The following MCTP1 variants were observed in gnomAD, a reference collection of about 807,000 sequenced individuals.
MCTP1 encodes the protein multiple C2 and transmembrane domain-containing protein 1.
Under a neutral mutation model 120.6 loss-of-function variants are expected in MCTP1, and 69 were observed. That is an observed-to-expected ratio of 0.57 (90% confidence interval 0.47 to 0.70). The LOEUF is 0.70. Among genes scored for constraint, MCTP1 ranks in the 30% least tolerant of loss-of-function variants. The probability of loss-of-function intolerance (pLI) is 0.00; values close to 1 mark genes in which losing one functional copy is unlikely to be tolerated. For synonymous variants in MCTP1, 529 were observed against 493.1 expected (o/e 1.07, Z -0.96); for missense variants, 1,203 against 1,248.8 (o/e 0.96, Z 0.55).
At chr5:94,808,843 G>C (rs143234029) in intron 17 of MCTP1, among the ~76,000 whole-genome samples, 62 of 152,150 alleles carry the variant, frequency 4.1e-4, no homozygotes, top group African/African-American at 1.5e-3. Context: ...TTTATTTATT[G>C]GTGGTGTTGA....
chr5:95,010,293 A>G (rs1835670032), intron 2 of MCTP1, among the ~76,000 whole-genome samples: 1 of 151,856 alleles, frequency 6.6e-6, no homozygotes, highest in South Asian at 2.1e-4. Flanking sequence ...ACCATCTACT[A>G]TATATTACTT....
intron 2 of MCTP1, among the ~76,000 whole-genome samples, chr5:94,962,853 C>T (rs1824620448): frequency 6.6e-6 from 1 of 151,892 alleles, no homozygotes; most frequent in Admixed American, 6.6e-5. Flanking sequence ...ATTTGTTCCC[C>T]AAAAACCTAT....
intron 2 of MCTP1, among the ~76,000 whole-genome samples, chr5:94,995,294 T>G (rs771112857): frequency 6.6e-6 from 1 of 152,178 alleles, no homozygotes; most frequent in African/African-American, 2.4e-5. Context: ...AGTTTATGAT[T>G]CAGTAGGTCT....
At chr5:94,839,951 G>A (rs1790636028) in intron 17 of MCTP1, among the ~76,000 whole-genome samples, 1 of 152,094 alleles carries the variant, frequency 6.6e-6, no homozygotes, top group South Asian at 2.1e-4. Context: ...TCAAATTCTA[G>A]TACTTTCGAT....
At chr5:95,105,480 G>C (rs1486721838) in intron 1 of MCTP1, among the ~76,000 whole-genome samples, 1 of 152,136 alleles carries the variant, frequency 6.6e-6, no homozygotes, top group Admixed American at 6.5e-5. Flanking sequence ...CCAAGAATCA[G>C]TTTACACATG....
chr5:94,954,169 C>CATATATATATGCATATATATAT (rs1561918935), intron 2 of MCTP1, among the ~76,000 whole-genome samples: 1 of 80,016 alleles, frequency 1.2e-5, no homozygotes, highest in African/African-American at 5.7e-5. Flanking sequence ...CATATATATA[C>CATATATATATGCATATATATAT]ATATATATAT....
chr5:94,895,248 A>G (rs1277085291), intron 10 of MCTP1, among the ~76,000 whole-genome samples: 1 of 152,216 alleles, frequency 6.6e-6, no homozygotes, highest in Non-Finnish European at 1.5e-5. Context: ...TTTTCCCCTC[A>G]TTCGTAAATG....
rs745987843 is a variant in MCTP1, at chr5:94,870,978, G to A, written c.2140-5C>T. ...TTTCTGTTCACCATTTTGAATCTGC[G>A]GGAAAAGGACATGACAGCCGTCTGT... is the stretch of plus-strand genomic sequence containing the variant. On this transcript the variant is annotated splice_polypyrimidine_tract_variant and splice_region_variant and intron_variant, in intron 14 of 22. Coordinates refer to ENST00000515393, the MANE Select transcript of MCTP1 (RefSeq NM_024717.7). 6.6e-5 allele frequency: 107 copies of A among 1,611,058 alleles called. No individual in the cohort carries two copies. The highest frequency in any genetic ancestry group is 2.2e-4 in the Admixed American group (13 of 59,928).
At chr5:94,951,882 C>T (rs908326450) in intron 3 of MCTP1, among the ~76,000 whole-genome samples, 7 of 151,970 alleles carry the variant, frequency 4.6e-5, no homozygotes, top group African/African-American at 1.7e-4. Flanking sequence ...TTCAAAAACG[C>T]TATTTAAGGC....
chr5:94,843,415 G>T (rs548018785), intron 17 of MCTP1, among the ~76,000 whole-genome samples: 1 of 152,252 alleles, frequency 6.6e-6, no homozygotes, highest in Non-Finnish European at 1.5e-5. Context: ...CCACAAGAAA[G>T]GGCATCAGAG....
intron 1 of MCTP1, among the ~76,000 whole-genome samples, chr5:95,160,741 C>G (rs1745635068): frequency 6.7e-6 from 1 of 149,542 alleles, no homozygotes. Context: ...TATAGGAACT[C>G]AAATAACTCA....
At chr5:95,259,993 T>C (rs1027187547) in intron 1 of MCTP1, among the ~76,000 whole-genome samples, 2 of 152,196 alleles carry the variant, frequency 1.3e-5, no homozygotes, top group Admixed American at 6.5e-5. Flanking sequence ...CTGAATGTTA[T>C]GTGTATATCC....
chr5:94,765,713 A>AG (rs1031056153), intron 19 of MCTP1, among the ~76,000 whole-genome samples: 1 of 151,296 alleles, frequency 6.6e-6, no homozygotes, highest in African/African-American at 2.4e-5. Flanking sequence ...AAAAAGAAAA[A>AG]AAAAAAAAAA....
chr5:95,206,175 G>A lies in MCTP1; in HGVS notation c.720+77681C>T, dbSNP rs541663021. Among the ~76,000 whole-genome samples, 13 of 152,214 alleles carry A rather than the reference G, an allele frequency of 8.5e-5. No homozygotes were observed. In the East Asian group the frequency reaches 2.5e-3, roughly 29 times the overall value. On this transcript the variant is annotated intron_variant, in intron 1 of 22. Transcript: ENST00000515393. The stretch of plus-strand genomic sequence containing the variant: ...ATAAAACATGGTATATTCATATAAG[G>A]AATATTATTTGGCAATAAAAATTAA...
chr5:95,153,437 T>G (rs1425199582), intron 1 of MCTP1, among the ~76,000 whole-genome samples: 1 of 152,188 alleles, frequency 6.6e-6, no homozygotes, highest in African/African-American at 2.4e-5. Flanking sequence ...ACAAGTTCAG[T>G]GAACCAAACT....
chr5:94,900,646 C>G (rs1403801488), intron 10 of MCTP1, among the ~76,000 whole-genome samples: 3 of 152,182 alleles, frequency 2.0e-5, no homozygotes, highest in Non-Finnish European at 4.4e-5. Flanking sequence ...TTCTCAGATC[C>G]TTACTTCAGA....
chr5:95,187,824 T>C (rs547369803), intron 1 of MCTP1, among the ~76,000 whole-genome samples: 5 of 152,270 alleles, frequency 3.3e-5, no homozygotes, highest in African/African-American at 4.8e-5. Context: ...AGGGTGACTA[T>C]AGTCAATATT....
At chr5:94,732,910 T>TA (rs1343227689) in intron 19 of MCTP1, among the ~76,000 whole-genome samples, 3 of 152,196 alleles carry the variant, frequency 2.0e-5, no homozygotes, top group African/African-American at 7.2e-5. Flanking sequence ...CTGAACAGAC[T>TA]AAGACACTTA....
At chr5:94,966,986 C>G (rs150034077) in intron 2 of MCTP1, among the ~76,000 whole-genome samples, 1 of 152,178 alleles carries the variant, frequency 6.6e-6, no homozygotes, top group Non-Finnish European at 1.5e-5. Context: ...AAAACGCACT[C>G]GCACAAAATC....
Sources: allele counts gnomAD v4.1 joint callset (sites outside exome capture counted in the v4.1 genomes callset), GRCh38; gene constraint gnomAD v4.1.1; transcripts MANE v1.5; gene names NCBI Gene and HGNC (gene_info 2026-07-23, HGNC 2026-07-21).